Variants in ANGPT1 observed in about 807,000 individuals in gnomAD.
ANGPT1 encodes angiopoietin 1.
A neutral mutation model predicts 62.2 loss-of-function variants in ANGPT1; 17 were observed. That is an observed-to-expected ratio of 0.27 (90% CI 0.19 to 0.41). The LOEUF (loss-of-function observed/expected upper bound fraction) is 0.41. ANGPT1 is among the 10% of genes least tolerant of loss of function. ANGPT1 has a pLI of 1.00. For missense variants in ANGPT1, 478 were observed against 594.9 expected (o/e 0.80, Z 2.04); for synonymous variants, 199 against 198.9 (o/e 1.00, Z 0.00).
At chr8:107,427,096 C>A (rs1811060010) in intron 1 of ANGPT1, among the ~76,000 whole-genome samples, 1 of 152,158 alleles carries the variant, frequency 6.6e-6, no homozygotes, top group Admixed American at 6.5e-5. Context: ...CCATGCACTC[C>A]CTTTTCCTGA....
rs758677127 is a variant in ANGPT1 at position 107,497,491 on chromosome 8, C to A, written c.68G>T (p.Arg23Leu). 2 of 1,614,006 alleles carry A rather than the reference C, an allele frequency of 1.2e-6. No individual in the cohort carries two copies. The highest frequency in any genetic ancestry group is 2.2e-5 in the East Asian group (1 of 44,864). Residue 23 changes from arginine (R) to leucine (L), a missense_variant, in exon 1 of 9, where the codon CGC (arginine) becomes CTC (leucine). Arg to Leu is a moderately radical substitution (Grantham distance 102, BLOSUM62 -2). Transcript: ENST00000517746. ...ILTHIGCSNQ[R>L]RSPENSGRRY... ...TCTCCCACTGTTTTCTGGACTTCGG[C>A]GCTGATTGCTGCACCCTATGTGAGT...
At chr8:107,252,785 A>C (rs1309642924) in intron 8 of ANGPT1, among the ~76,000 whole-genome samples, 2 of 152,196 alleles carry the variant, frequency 1.3e-5, no homozygotes, top group Non-Finnish European at 2.9e-5. Context: ...AGTCAGTTTT[A>C]TTTTTTAAAT....
chr8:107,422,299 T>C (rs1810914260), intron 1 of ANGPT1, among the ~76,000 whole-genome samples: 1 of 152,126 alleles, frequency 6.6e-6, no homozygotes, highest in African/African-American at 2.4e-5. Flanking sequence ...ACGGTTCTGA[T>C]GAGAAAACCA....
Position 107,329,195 on chromosome 8 carries a change from CAT to C in ANGPT1, c.575+6953_575+6954del, listed in dbSNP as rs544787311. On this transcript the variant is annotated intron_variant, in intron 3 of 8. Transcript: ENST00000517746. The stretch of plus-strand genomic sequence containing the variant: ...TAAATATGCACACTCTATATATACA[CAT>C]ATGTTAGTATGTTTAGAGAAAACAT... Among the ~76,000 whole-genome samples, 364 of 152,094 alleles carry C rather than the reference CAT, an allele frequency of 2.4e-3. 2 individuals carry two copies. The highest frequency in any genetic ancestry group is 0.01 in the Middle Eastern group (3 of 294).
chr8:107,313,681 G>A (rs985119561), intron 4 of ANGPT1, among the ~76,000 whole-genome samples: 1 of 151,454 alleles, frequency 6.6e-6, no homozygotes, highest in African/African-American at 2.4e-5. Flanking sequence ...CTGACCTCGT[G>A]ATCCACCTGC....
At position 107,421,319 on chromosome 8, in the gene ANGPT1, A is replaced by G. The variant is rs530834899; in HGVS notation, c.298-74222T>C. Among the ~76,000 whole-genome samples, 11 of 152,292 alleles carry G rather than the reference A, an allele frequency of 7.2e-5. No homozygotes were observed. The East Asian group carries it at 1.9e-3, about 27-fold the overall frequency. On this transcript the variant is annotated intron_variant, in intron 1 of 8. Transcript: ENST00000517746. ...GGAAGTAGTATTAGTCACAGTTTGC[A>G]TGGAAATCTGCCAGTAAAAGAAAGT...
At chr8:107,360,935 C>A (rs1816148928) in intron 1 of ANGPT1, among the ~76,000 whole-genome samples, 1 of 152,176 alleles carries the variant, frequency 6.6e-6, no homozygotes, top group South Asian at 2.1e-4. Context: ...GACAAGTTGA[C>A]TTATTCTTTC....
intron 1 of ANGPT1, among the ~76,000 whole-genome samples, chr8:107,444,892 G>A (rs764964535): frequency 5.3e-5 from 8 of 152,106 alleles, no homozygotes; most frequent in Non-Finnish European, 7.4e-5. Context: ...CCAAAAACCC[G>A]GGGAGTGAAC....
chr8:107,429,456 G>A (rs1811121491), intron 1 of ANGPT1, among the ~76,000 whole-genome samples: 1 of 152,042 alleles, frequency 6.6e-6, no homozygotes, highest in African/African-American at 2.4e-5. Context: ...TAAAAGAATG[G>A]GTGTCACTAA....
intron 1 of ANGPT1, among the ~76,000 whole-genome samples, chr8:107,445,523 C>T (rs547552458): frequency 6.7e-4 from 102 of 152,102 alleles, no homozygotes; most frequent in African/African-American, 2.4e-3. Context: ...TATTATGGAC[C>T]TCCTACTTTT....
At chr8:107,276,352 A>G (rs7842941) in intron 7 of ANGPT1, among the ~76,000 whole-genome samples, 139,497 of 152,140 alleles carry the variant, frequency 0.92, 64,003 homozygotes, top group Middle Eastern at 0.97. Flanking sequence ...ATATTTTTTC[A>G]TACCTTGATC....
intron 1 of ANGPT1, among the ~76,000 whole-genome samples, chr8:107,487,802 T>G (rs1812852894): frequency 1.3e-5 from 2 of 152,226 alleles, no homozygotes; most frequent in Non-Finnish European, 2.9e-5. Context: ...CTATTCTTGG[T>G]AAGTGCCATG....
chr8:107,311,455 C>T (rs1259795692), intron 4 of ANGPT1, among the ~76,000 whole-genome samples: 3 of 152,028 alleles, frequency 2.0e-5, no homozygotes, highest in East Asian at 1.9e-4. Context: ...TAAAGGGATA[C>T]ATTTTAATTA....
chr8:107,442,979 T>C (rs1468517207), intron 1 of ANGPT1, among the ~76,000 whole-genome samples: 2 of 152,212 alleles, frequency 1.3e-5, no homozygotes, highest in African/African-American at 4.8e-5. Flanking sequence ...TTTCCTAATG[T>C]AGAATGCCCA....
At chr8:107,311,617 A>G (rs1395239211) in intron 4 of ANGPT1, among the ~76,000 whole-genome samples, 2 of 152,236 alleles carry the variant, frequency 1.3e-5, no homozygotes, top group African/African-American at 2.4e-5. Context: ...AGTCTGTTTT[A>G]AAGTGGAAGA....
At chr8:107,357,824 T>C (rs1283654) in intron 1 of ANGPT1, among the ~76,000 whole-genome samples, 124,081 of 152,064 alleles carry the variant, frequency 0.82, 50,892 homozygotes, top group East Asian at 0.99. Context: ...TAGAAAATTG[T>C]CATCATTTTA....
intron 1 of ANGPT1, among the ~76,000 whole-genome samples, chr8:107,437,360 G>C (rs59642523): frequency 0.046 from 7,014 of 152,192 alleles, 170 homozygotes; most frequent in Middle Eastern, 0.068. Context: ...ATAGAGAAAG[G>C]TATCACTAAC....
At position 107,329,118 on chromosome 8, in the gene ANGPT1, C is replaced by T. The variant is rs1168487092; in HGVS notation, c.576-6990G>A. 2.0e-5 allele frequency among the ~76,000 whole-genome samples: 3 copies of T among 151,912 alleles called. No homozygotes were observed. In the East Asian group the frequency reaches 5.8e-4, roughly 29 times the overall value. On this transcript the variant is annotated intron_variant, in intron 3 of 8. Transcript: ENST00000517746. ...TATGCACATATCATATAAACAAGTA[C>T]TTGTGCATGTGTGCAATTATATATG...
chr8:107,467,083 C>T (rs1229914217), intron 1 of ANGPT1, among the ~76,000 whole-genome samples: 1 of 152,018 alleles, frequency 6.6e-6, no homozygotes, highest in Non-Finnish European at 1.5e-5. Flanking sequence ...ATTTAGAACA[C>T]AGGTTTGTCA....
Sources: gnomAD v4.1 joint callset for allele counts (sites outside exome capture counted in the v4.1 genomes callset) on GRCh38, gnomAD v4.1.1 for gene constraint, MANE v1.5 for transcripts, NCBI Gene and HGNC (gene_info 2026-07-23, HGNC 2026-07-21) for gene names.